ODAD4: variants seen among roughly 807,000 people sequenced by gnomAD.
ODAD4 encodes the protein outer dynein arm docking complex subunit 4.
A neutral mutation model predicts 51.8 loss-of-function variants in ODAD4; 49 were observed. The observed-to-expected ratio is 0.95, with a 90% CI of 0.75 to 1.20. ODAD4 has a LOEUF of 1.20. ODAD4 is among the 50% of genes most tolerant of loss of function. ODAD4 has a pLI of 0.00. For missense variants in ODAD4, 590 were observed against 586.5 expected, an observed-to-expected ratio of 1.01 and a Z score of -0.06; for synonymous variants, 235 against 221.3, an observed-to-expected ratio of 1.06 and a Z score of -0.55.
chr17:41,944,151 C>T (rs1012866459), intron 7 of ODAD4, among the ~76,000 whole-genome samples: 1 of 148,866 alleles, frequency 6.7e-6, no homozygotes, highest in Admixed American at 6.8e-5. Flanking sequence ...GAGCTGAGAT[C>T]GTGCTATTGC....
In ODAD4 at chr17:41,930,881, CTTTTTTTTT is replaced by C. The variant is rs782820445; in HGVS notation, c.114+65_114+73del. ...CTATCCATCACCCCATCACCCGTCA[CTTTTTTTTT>C]TTTTTTTTTTTTTTTTTTTTGTGAC... On this transcript the variant is annotated intron_variant, in intron 1 of 11. Coordinates refer to ENST00000377540, the MANE Select transcript of ODAD4 (RefSeq NM_031421.5). The C allele has an allele frequency of 3.2e-3, 315 of 97,196 alleles. 4 individuals are homozygous for C. Among genetic ancestry groups the C allele is most frequent in the African/African-American group, 0.02 (246 of 12,108 alleles). 6.0% of individuals were successfully genotyped at this position (97,196 alleles called of 1,614,324 possible).
At chr17:41,954,229 C>T (rs557138581) in intron 9 of ODAD4, among the ~76,000 whole-genome samples, 3 of 152,044 alleles carry the variant, frequency 2.0e-5, no homozygotes, top group East Asian at 2.0e-4. Context: ...TCAAGCAATC[C>T]GCCCACCTTG....
chr17:41,934,045 T>TTC (rs1206799124), intron 1 of ODAD4, among the ~76,000 whole-genome samples: 2 of 122,144 alleles, frequency 1.6e-5, no homozygotes, highest in Non-Finnish European at 3.5e-5. Flanking sequence ...TTTCTTTTTT[T>TTC]TTTTTTTTTT....
At chr17:41,938,395 A>T (rs543953543) in intron 5 of ODAD4, among the ~76,000 whole-genome samples, 162 bp from the exon 6 acceptor site, 1 of 152,198 alleles carries the variant, frequency 6.6e-6, no homozygotes, top group South Asian at 2.1e-4. Context: ...GGCCTGGATA[A>T]ACCCACTCTG....
chr17:41,943,724 C>T (rs35459707), intron 7 of ODAD4, among the ~76,000 whole-genome samples: 27,822 of 152,058 alleles, frequency 0.18, 2,711 homozygotes, highest in African/African-American at 0.21. Context: ...AGAGGCCTGA[C>T]ATGGGAGGCT....
intron 9 of ODAD4, among the ~76,000 whole-genome samples, chr17:41,954,197 G>C (rs2050697000): frequency 6.6e-6 from 1 of 151,278 alleles, no homozygotes; most frequent in South Asian, 2.1e-4. Context: ...ATGTTGGCCA[G>C]GGTGGTCTCG....
rs2050602734 is a variant in ODAD4, at chr17:41,947,358, A to C, written c.1146-1795A>C. On this transcript the variant is annotated intron_variant, in intron 8 of 11. Coordinates refer to ENST00000377540, the MANE Select transcript of ODAD4 (RefSeq NM_031421.5). Reference sequence around the variant, plus strand: ...AAGTTAGCCAGGCATGGTGGCGTGCACCTGTAATCCCAGCTACACAGGAGG... The same window carrying C: ...AAGTTAGCCAGGCATGGTGGCGTGCCCCTGTAATCCCAGCTACACAGGAGG... Among the ~76,000 whole-genome samples the C allele has an allele frequency of 3.3e-5, 5 of 151,196 alleles. No homozygotes were observed. The South Asian group carries it at 1.1e-3, about 32-fold the overall frequency.
chr17:41,948,304 AT>A (rs2050613014), intron 8 of ODAD4, among the ~76,000 whole-genome samples: 1 of 134,272 alleles, frequency 7.4e-6, no homozygotes, highest in African/African-American at 2.7e-5. Context: ...ATTCTTAGTA[AT>A]TTTTTTCTTT....
intron 11 of ODAD4, among the ~76,000 whole-genome samples, chr17:41,964,120 G>A (rs1460859138): frequency 2.0e-5 from 3 of 151,456 alleles, no homozygotes; most frequent in Non-Finnish European, 4.4e-5. Context: ...GAGTACAATG[G>A]CACAATCTTG....
At chr17:41,961,310 A>G in intron 10 of ODAD4, 72 bp from the exon 11 acceptor site, 1 of 699,410 alleles carries the variant, frequency 1.4e-6, no homozygotes. Context: ...GCCTTCTGGG[A>G]TTGATCTGGG....
intron 9 of ODAD4, among the ~76,000 whole-genome samples, chr17:41,952,093 G>A (rs782614103): frequency 2.6e-5 from 4 of 151,420 alleles, no homozygotes; most frequent in Non-Finnish European, 4.4e-5. Context: ...TTAGGGCGGG[G>A]CACAGTGGCC....
At chr17:41,955,177 A>G (rs2050712791) in intron 9 of ODAD4, 40 bp from the exon 10 acceptor site, 1 of 754,228 alleles carries the variant, frequency 1.3e-6, no homozygotes, top group Admixed American at 1.8e-5. Context: ...ACACGTTGTC[A>G]CACTCTACCT....
rs1430917700 is a variant in ODAD4 at position 41,961,429 on chromosome 17, C to G, written c.1491C>G (p.Thr497=). ...GTATCATCAGAGAACTGAGGAAAAC[C>G]AACTACGTGGAGAATCTCAAAGAAA... ...NKGIIRELRK[T]NYVENLKEKS... Residue 497 remains threonine (T), a synonymous_variant, in exon 11 of 12, where the codon ACC becomes ACG. Transcript: ENST00000377540. The G allele has an allele frequency of 1.3e-6, 1 of 741,274 alleles. No individual in the cohort carries two copies. The allele number at this position is 741,274 out of a possible 1,614,324, so 45.9% of individuals were successfully genotyped here.
chr17:41,941,729 C>A (rs1240475116), intron 7 of ODAD4, among the ~76,000 whole-genome samples: 1 of 146,296 alleles, frequency 6.8e-6, no homozygotes, highest in Non-Finnish European at 1.5e-5. Context: ...TGCAGTGAGC[C>A]GAGATAGTGA....
At chr17:41,938,219 G>A (rs916811645) in intron 5 of ODAD4, among the ~76,000 whole-genome samples, 2 of 152,186 alleles carry the variant, frequency 1.3e-5, no homozygotes, top group Non-Finnish European at 2.9e-5. Context: ...GGGCCAGATC[G>A]TGCATTTAGA....
At chr17:41,952,985 C>T (rs2144524689) in intron 9 of ODAD4, among the ~76,000 whole-genome samples, 1 of 152,154 alleles carries the variant, frequency 6.6e-6, no homozygotes, top group African/African-American at 2.4e-5. Flanking sequence ...AGTGCTCCCA[C>T]CTCGGCCTCC....
chr17:41,965,927 ATG>A lies in ODAD4; in HGVS notation c.*445_*446del, dbSNP rs1555642684. 4.7e-4 allele frequency among the ~76,000 whole-genome samples: 71 copies of A among 152,286 alleles called. No individual in the cohort carries two copies. The highest frequency in any genetic ancestry group is 1.7e-3 in the African/African-American group (70 of 41,544). On this transcript the variant is annotated 3_prime_UTR_variant, in exon 12 of 12. Transcript: ENST00000377540. Reference sequence around the variant, plus strand: ...GGCCCCAGCTGTCACAGGTAGGAGAATGCCGCAAGCCAGAACCAAGCGAATGC... The same window carrying A: ...GGCCCCAGCTGTCACAGGTAGGAGAACCGCAAGCCAGAACCAAGCGAATGC...
At chr17:41,947,028 T>G (rs1187334214) in intron 8 of ODAD4, among the ~76,000 whole-genome samples, 1 of 151,536 alleles carries the variant, frequency 6.6e-6, no homozygotes, top group Non-Finnish European at 1.5e-5. Flanking sequence ...TTTTGTATTT[T>G]TAGTAGAGAC....
In ODAD4 at chr17:41,946,728, G is replaced by GT. The variant is rs1247485591; in HGVS notation, c.1145+1507dup. Among the ~76,000 whole-genome samples the GT allele has an allele frequency of 2.0e-5, 3 of 152,338 alleles. No individual in the cohort carries two copies. The East Asian group carries it at 5.8e-4, about 29-fold the overall frequency. On this transcript the variant is annotated intron_variant, in intron 8 of 11. Transcript: ENST00000377540. Reference sequence around the variant, plus strand: ...GTCTCACTCTGTCACCCAGGCTGGAGTGCAGAGGCGTGATCTCAGCTCATG... The same window carrying GT: ...GTCTCACTCTGTCACCCAGGCTGGAGTTGCAGAGGCGTGATCTCAGCTCATG...
Sources: allele counts gnomAD v4.1 joint callset (sites outside exome capture counted in the v4.1 genomes callset), GRCh38; gene constraint gnomAD v4.1.1; transcripts MANE v1.5; gene names NCBI Gene and HGNC (gene_info 2026-07-23, HGNC 2026-07-21).